TBC1D5: variants seen among roughly 807,000 people sequenced by gnomAD.
TBC1D5 encodes the protein TBC1 domain family member 5, also known as TBC1 domain family, member 5.
Under a neutral mutation model 100.3 loss-of-function variants are expected in TBC1D5, and 75 were observed. The ratio of observed to expected loss-of-function variants is 0.75; its 90% confidence interval spans 0.62 to 0.91. The LOEUF (loss-of-function observed/expected upper bound fraction) is 0.91, where lower values mean the gene tolerates loss of function less well. Among genes scored for constraint, TBC1D5 ranks in the 40% least tolerant of loss-of-function variants. The pLI is 0.00. For synonymous variants in TBC1D5, 323 were observed against 325.6 expected, an observed-to-expected ratio of 0.99 and a Z score of 0.09; for missense variants, 910 against 942.4, an observed-to-expected ratio of 0.97 and a Z score of 0.45.
chr3:17,623,651 T>G (rs1234242956), intron 2 of TBC1D5, 198 bp downstream of exon 2: 1 of 152,342 alleles, frequency 6.6e-6, no homozygotes, highest in Non-Finnish European at 1.5e-5. Context: ...CCAATTGTAC[T>G]GACTTACAAG....
intron 17 of TBC1D5, among the ~76,000 whole-genome samples, chr3:17,218,095 T>C (rs1301207530): frequency 6.6e-6 from 1 of 152,068 alleles, no homozygotes. Context: ...CCCAGAACTA[T>C]TTGTAAAAAA....
At chr3:17,386,929 A>G (rs1325956143) in intron 8 of TBC1D5, among the ~76,000 whole-genome samples, 1 of 152,162 alleles carries the variant, frequency 6.6e-6, no homozygotes, top group Non-Finnish European at 1.5e-5. Context: ...GTAGTAATTT[A>G]AATTGTCTAC....
intron 3 of TBC1D5, among the ~76,000 whole-genome samples, chr3:17,490,112 T>C (rs2095619720): frequency 6.6e-6 from 1 of 152,228 alleles, no homozygotes; most frequent in Non-Finnish European, 1.5e-5. Flanking sequence ...GTTGAGTTTT[T>C]TTAGTATATC....
intron 3 of TBC1D5, among the ~76,000 whole-genome samples, chr3:17,461,198 G>C (rs1489181628): frequency 6.6e-6 from 1 of 152,178 alleles, no homozygotes; most frequent in Non-Finnish European, 1.5e-5. Context: ...ATGTTAATAT[G>C]AATGCAATAA....
intron 1 of TBC1D5, among the ~76,000 whole-genome samples, chr3:17,657,736 C>T (rs2066230432): frequency 6.6e-6 from 1 of 152,216 alleles, no homozygotes; most frequent in African/African-American, 2.4e-5. Flanking sequence ...CTTTACATCT[C>T]TGTATCTACT....
chr3:17,583,276 C>A (rs1305390209), intron 2 of TBC1D5, among the ~76,000 whole-genome samples: 3 of 151,446 alleles, frequency 2.0e-5, no homozygotes, highest in African/African-American at 7.3e-5. Flanking sequence ...CAGAGTGACA[C>A]CCAATCTCAA....
At chr3:17,680,501 A>G (rs1310828444) in intron 1 of TBC1D5, among the ~76,000 whole-genome samples, 2 of 151,334 alleles carry the variant, frequency 1.3e-5, no homozygotes, top group African/African-American at 4.9e-5. Context: ...TGCTGGGACT[A>G]CAGACGTGAG....
intron 1 of TBC1D5, among the ~76,000 whole-genome samples, chr3:17,696,327 G>C (rs1030508035): frequency 4.6e-5 from 7 of 152,054 alleles, no homozygotes; most frequent in African/African-American, 7.2e-5. Flanking sequence ...TTTTTGAAAA[G>C]ATCAACAAAA....
chr3:17,322,534 T>C (rs2085548502), intron 13 of TBC1D5, among the ~76,000 whole-genome samples: 1 of 151,826 alleles, frequency 6.6e-6, no homozygotes, highest in African/African-American at 2.4e-5. Flanking sequence ...ACTGGCTTTT[T>C]ACCTGGATGT....
At chr3:17,593,291 T>G (rs917561730) in intron 2 of TBC1D5, among the ~76,000 whole-genome samples, 1 of 152,110 alleles carries the variant, frequency 6.6e-6, no homozygotes, top group Non-Finnish European at 1.5e-5. Context: ...GCTGCCCCTG[T>G]CATCACCCAA....
At chr3:17,334,959 A>T (rs529907053) in intron 13 of TBC1D5, among the ~76,000 whole-genome samples, 1 of 152,262 alleles carries the variant, frequency 6.6e-6, no homozygotes, top group Admixed American at 6.5e-5. Context: ...GCTTAGAAAT[A>T]ATACTAAAAT....
intron 13 of TBC1D5, among the ~76,000 whole-genome samples, chr3:17,315,393 T>C (rs570385209): frequency 1.3e-5 from 2 of 152,332 alleles, no homozygotes; most frequent in Admixed American, 1.3e-4. Flanking sequence ...CAAAAGGGCA[T>C]TTGCCCACTC....
At chr3:17,411,591 G>A (rs2093926791) in intron 4 of TBC1D5, among the ~76,000 whole-genome samples, 1 of 152,106 alleles carries the variant, frequency 6.6e-6, no homozygotes, top group African/African-American at 2.4e-5. Flanking sequence ...ATGAAGCAAT[G>A]ACTCCTCCAG....
At chr3:17,289,987 T>C (rs1342065524) in intron 15 of TBC1D5, among the ~76,000 whole-genome samples, 4 of 152,226 alleles carry the variant, frequency 2.6e-5, no homozygotes, top group African/African-American at 9.6e-5. Flanking sequence ...AAGCCCCTTT[T>C]CAAAGGCTAC....
At chr3:17,483,744 C>T (rs2095527123) in intron 3 of TBC1D5, among the ~76,000 whole-genome samples, 1 of 151,926 alleles carries the variant, frequency 6.6e-6, no homozygotes, top group Admixed American at 6.6e-5. Flanking sequence ...TTTAACAAGA[C>T]AAAAGATTTG....
At chr3:17,301,190 T>A (rs2082793756) in intron 14 of TBC1D5, among the ~76,000 whole-genome samples, 1 of 152,022 alleles carries the variant, frequency 6.6e-6, no homozygotes, top group Admixed American at 6.5e-5. Flanking sequence ...TTATAGTGTT[T>A]TAGCTATTAA....
intron 17 of TBC1D5, among the ~76,000 whole-genome samples, chr3:17,222,730 G>A (rs955437774): frequency 6.6e-6 from 1 of 151,432 alleles, no homozygotes; most frequent in Non-Finnish European, 1.5e-5. Flanking sequence ...CTTTCATCCT[G>A]CTTATGGGAT....
intron 18 of TBC1D5, among the ~76,000 whole-genome samples, chr3:17,212,714 C>CA (rs1216672129): frequency 1.3e-5 from 2 of 149,662 alleles, no homozygotes; most frequent in Non-Finnish European, 3.0e-5. Context: ...CCGTTTTTAA[C>CA]AAAAAAGCTT....
At chr3:17,211,043 C>T (rs1299185963) in intron 18 of TBC1D5, among the ~76,000 whole-genome samples, 1 of 152,180 alleles carries the variant, frequency 6.6e-6, no homozygotes, top group Non-Finnish European at 1.5e-5. Context: ...TCTTGTTCTG[C>T]ATAGCCTGTT....
Sources: allele counts gnomAD v4.1 joint callset (sites outside exome capture counted in the v4.1 genomes callset), GRCh38; gene constraint gnomAD v4.1.1; transcripts MANE v1.5; gene names NCBI Gene and HGNC (gene_info 2026-07-23, HGNC 2026-07-21).